The following DPYD variants were observed in gnomAD, a reference collection of about 807,000 sequenced individuals.
DPYD encodes dihydropyrimidine dehydrogenase [NADP(+)].
A neutral mutation model predicts 116.2 loss-of-function variants in DPYD; 109 were observed. That is an observed-to-expected ratio of 0.94 (90% CI 0.80 to 1.10). The LOEUF (loss-of-function observed/expected upper bound fraction) is 1.10. Among genes scored for constraint, DPYD ranks in the 50% least tolerant of loss-of-function variants. DPYD has a pLI of 0.00. For missense variants in DPYD, 1,302 were observed against 1,254.5 expected (o/e 1.04, Z -0.57); for synonymous variants, 440 against 432.0 (o/e 1.02, Z -0.23).
intron 20 of DPYD, among the ~76,000 whole-genome samples, chr1:97,122,295 A>T (rs904458626): frequency 6.6e-6 from 1 of 152,158 alleles, no homozygotes; most frequent in Non-Finnish European, 1.5e-5. Context: ...GAGGAGACAG[A>T]CTTCATTCAG....
At chr1:97,835,268 C>G (rs1669713197) in intron 2 of DPYD, among the ~76,000 whole-genome samples, 1 of 152,012 alleles carries the variant, frequency 6.6e-6, no homozygotes, top group African/African-American at 2.4e-5. Flanking sequence ...AATAGTCCTT[C>G]ATAAAATGAA....
At chr1:97,129,017 T>C (rs1653065360) in intron 20 of DPYD, among the ~76,000 whole-genome samples, 1 of 151,984 alleles carries the variant, frequency 6.6e-6, no homozygotes, top group South Asian at 2.1e-4. Context: ...AGCTTATCTG[T>C]AGTTATTCTT....
At chr1:97,592,025 T>C (rs959394263) in intron 10 of DPYD, among the ~76,000 whole-genome samples, 9 of 152,316 alleles carry the variant, frequency 5.9e-5, no homozygotes, top group African/African-American at 2.2e-4. Context: ...GAACCAATGG[T>C]GACCCTGATA....
intron 2 of DPYD, among the ~76,000 whole-genome samples, chr1:97,847,245 C>T (rs1299672650): frequency 6.6e-6 from 1 of 152,136 alleles, no homozygotes; most frequent in African/African-American, 2.4e-5. Context: ...ATAATCTCTA[C>T]AAAAACACGT....
At chr1:97,331,319 A>C (rs1044643368) in intron 16 of DPYD, among the ~76,000 whole-genome samples, 1 of 152,036 alleles carries the variant, frequency 6.6e-6, no homozygotes, top group Non-Finnish European at 1.5e-5. Flanking sequence ...AAAAAGAGGA[A>C]ATTAAAAAGT....
chr1:97,823,348 G>A (rs1185588414), intron 3 of DPYD, among the ~76,000 whole-genome samples: 1 of 152,006 alleles, frequency 6.6e-6, no homozygotes, highest in African/African-American at 2.4e-5. Flanking sequence ...TAGAGACGGG[G>A]TTTCACCGTG....
chr1:97,838,858 A>T lies in DPYD; in HGVS notation c.151-10662T>A, dbSNP rs1339792379. ...CAGAGCGAGACTCCGTCTCAAAAAAAAAAATAAATAAAAAAATAAAAGAAC... is the reference window on the plus strand; with the variant it reads ...CAGAGCGAGACTCCGTCTCAAAAAATAAAATAAATAAAAAAATAAAAGAAC... On this transcript the variant is annotated intron_variant, in intron 2 of 22. Coordinates refer to ENST00000370192, the MANE Select transcript of DPYD (RefSeq NM_000110.4). 1.3e-4 allele frequency among the ~76,000 whole-genome samples: 19 copies of T among 150,894 alleles called. No homozygotes were observed. In the East Asian group the frequency reaches 1.7e-3, roughly 14 times the overall value.
chr1:97,839,147 A>G (rs924135620), intron 2 of DPYD, among the ~76,000 whole-genome samples: 2 of 152,200 alleles, frequency 1.3e-5, no homozygotes, highest in Non-Finnish European at 2.9e-5. Flanking sequence ...TTAGTAACAA[A>G]CATACTATTA....
chr1:97,751,272 CT>C (rs1421318705), intron 3 of DPYD, among the ~76,000 whole-genome samples: 1 of 149,134 alleles, frequency 6.7e-6, no homozygotes, highest in Non-Finnish European at 1.5e-5. Flanking sequence ...ATGGAGAGGG[CT>C]TTCAAAATAT....
intron 13 of DPYD, among the ~76,000 whole-genome samples, chr1:97,510,259 A>T (rs1244700618): frequency 6.6e-6 from 1 of 151,908 alleles, no homozygotes; most frequent in East Asian, 1.9e-4. Flanking sequence ...CCATCCCTGG[A>T]GCAAGAGGCC....
chr1:97,175,099 A>G (rs571126961), intron 20 of DPYD, among the ~76,000 whole-genome samples: 7 of 152,342 alleles, frequency 4.6e-5, no homozygotes, highest in African/African-American at 1.7e-4. Context: ...GTTGGGTCTT[A>G]CAAGAAATTG....
intron 14 of DPYD, among the ~76,000 whole-genome samples, chr1:97,409,887 G>T (rs545888194): frequency 1.3e-5 from 2 of 152,164 alleles, no homozygotes; most frequent in Non-Finnish European, 2.9e-5. Flanking sequence ...AGACCAGCCT[G>T]GCCAAAATGG....
intron 13 of DPYD, among the ~76,000 whole-genome samples, chr1:97,506,472 C>T (rs1647338505): frequency 6.6e-6 from 1 of 151,874 alleles, no homozygotes; most frequent in South Asian, 2.1e-4. Flanking sequence ...CAGGACTGTA[C>T]TTTAAGGAAA....
intron 20 of DPYD, among the ~76,000 whole-genome samples, chr1:97,125,744 A>G (rs2101655099): frequency 6.6e-6 from 1 of 152,230 alleles, no homozygotes; most frequent in South Asian, 2.1e-4. Flanking sequence ...TCCTCTTTCT[A>G]CCATGTGAAG....
chr1:97,569,730 T>C (rs1169370452), intron 11 of DPYD, among the ~76,000 whole-genome samples: 1 of 151,948 alleles, frequency 6.6e-6, no homozygotes, highest in Non-Finnish European at 1.5e-5. Flanking sequence ...GTTATATCAA[T>C]TGAGTCAGAA....
chr1:97,413,663 A>G (rs1674136741), intron 14 of DPYD, among the ~76,000 whole-genome samples: 1 of 151,990 alleles, frequency 6.6e-6, no homozygotes, highest in Admixed American at 6.6e-5. Context: ...TTTTGTAGAG[A>G]CAGGGTTTCA....
At chr1:97,299,541 T>C (rs375634620) in intron 18 of DPYD, among the ~76,000 whole-genome samples, 2 of 152,148 alleles carry the variant, frequency 1.3e-5, no homozygotes, top group East Asian at 1.9e-4. Context: ...TATCTTAAAA[T>C]ACCTAAGGAA....
chr1:97,226,647 CT>C (rs1557953484), intron 19 of DPYD, among the ~76,000 whole-genome samples: 1 of 151,996 alleles, frequency 6.6e-6, no homozygotes, highest in African/African-American at 2.4e-5. Context: ...AAAATAAACA[CT>C]TAGCGATAAA....
intron 3 of DPYD, among the ~76,000 whole-genome samples, chr1:97,741,963 A>G (rs924318337): frequency 6.6e-5 from 10 of 152,168 alleles, no homozygotes; most frequent in Admixed American, 3.3e-4. Context: ...AGGGTCACTC[A>G]GGATAATTAC....
Sources: gnomAD v4.1 joint callset for allele counts (sites outside exome capture counted in the v4.1 genomes callset) on GRCh38, gnomAD v4.1.1 for gene constraint, MANE v1.5 for transcripts, NCBI Gene and HGNC (gene_info 2026-07-23, HGNC 2026-07-21) for gene names.